The following PATJ variants were observed in gnomAD, a reference collection of about 807,000 sequenced individuals.
PATJ encodes the protein PATJ crumbs cell polarity complex component.
Under a neutral mutation model 224.9 loss-of-function variants are expected in PATJ, and 190 were observed. That is an observed-to-expected ratio of 0.84 (90% CI 0.75 to 0.95). PATJ has a LOEUF of 0.95. PATJ is among the 40% of genes least tolerant of loss of function. The pLI, the probability that PATJ is intolerant of heterozygous loss-of-function variation, is 0.00. For missense variants in PATJ, 2,121 were observed against 2,270.3 expected (o/e 0.93, Z 1.34); for synonymous variants, 769 against 820.3 (o/e 0.94, Z 1.07).
At chr1:62,020,597 A>C (rs1391489530) in intron 29 of PATJ, among the ~76,000 whole-genome samples, 4 of 152,204 alleles carry the variant, frequency 2.6e-5, no homozygotes, top group African/African-American at 9.6e-5. Context: ...CAGTCTGATT[A>C]TTTCAGTTTT....
Position 61,769,266 on chromosome 1 carries a change from T to A in PATJ, c.385-17T>A, listed in dbSNP as rs765262186. 1 of 1,593,394 alleles carries A rather than the reference T, an allele frequency of 6.3e-7. No individual in the cohort carries two copies. The highest frequency in any genetic ancestry group is 8.5e-7 in the Non-Finnish European group (1 of 1,172,984). ...AATGTACACCATTGACTTTTTTTTT[T>A]AACGCTCCTTCATTAGGGCCGGCAA... is the stretch of plus-strand genomic sequence containing the variant. On this transcript the variant is annotated splice_polypyrimidine_tract_variant and intron_variant, in intron 4 of 43. Coordinates refer to ENST00000642238, the MANE Select transcript of PATJ (RefSeq NM_001350145.3).
intron 33 of PATJ, among the ~76,000 whole-genome samples, chr1:62,088,016 T>G (rs935042163): frequency 6.6e-4 from 74 of 112,596 alleles, no homozygotes; most frequent in African/African-American, 1.9e-3. Context: ...CTCAGCCTCC[T>G]GAGTAGCTGG....
At chr1:62,122,384 A>C (rs1029743272) in intron 38 of PATJ, among the ~76,000 whole-genome samples, 2 of 149,884 alleles carry the variant, frequency 1.3e-5, no homozygotes, top group African/African-American at 2.5e-5. Context: ...AAAAAAAAAA[A>C]ACCACACACA....
In PATJ at chr1:61,818,509, A is replaced by T. The variant is rs548405536; in HGVS notation, c.1684-4436A>T. On this transcript the variant is annotated intron_variant, in intron 14 of 43. Transcript: ENST00000642238. Reference sequence around the variant, plus strand: ...CTTGATTTGTTTAGTTGCTAAATGCAGCTGGGACAGGTAATTAAACAGTCC... The same window carrying T: ...CTTGATTTGTTTAGTTGCTAAATGCTGCTGGGACAGGTAATTAAACAGTCC... Among the ~76,000 whole-genome samples, 5 of 152,368 alleles carry T rather than the reference A, an allele frequency of 3.3e-5. No individual in the cohort carries two copies. The East Asian group carries it at 9.6e-4, about 29-fold the overall frequency.
At chr1:62,038,883 G>T in intron 30 of PATJ, 1 of 827,736 alleles carries the variant, frequency 1.2e-6, no homozygotes, top group African/African-American at 1.7e-5. Flanking sequence ...ATACAATGAA[G>T]AATCCCTCCA....
chr1:61,963,513 T>C (rs1476812208), intron 27 of PATJ, among the ~76,000 whole-genome samples: 1 of 151,874 alleles, frequency 6.6e-6, no homozygotes, highest in Non-Finnish European at 1.5e-5. Context: ...GGAGAATCAC[T>C]AGAACCCAGG....
At chr1:62,071,042 G>A (rs563807812) in intron 31 of PATJ, among the ~76,000 whole-genome samples, 1 of 152,226 alleles carries the variant, frequency 6.6e-6, no homozygotes, top group East Asian at 1.9e-4. Flanking sequence ...AAAGAGACCC[G>A]AGGCAGGGGA....
intron 25 of PATJ, among the ~76,000 whole-genome samples, chr1:61,912,711 TAGAGAGGAGGGGAGGGGAGGGAAGGC>T (rs1672866128): frequency 2.2e-5 from 1 of 46,172 alleles, no homozygotes; most frequent in Non-Finnish European, 4.0e-5. Context: ...GAGGGGAAGG[TAGAGAGGAGGGGAGGGGAGGGAAGGC>T]AGCGTAAACA....
At chr1:61,906,939 A>G (rs1267042096) in intron 24 of PATJ, among the ~76,000 whole-genome samples, 1 of 152,130 alleles carries the variant, frequency 6.6e-6, no homozygotes, top group East Asian at 1.9e-4. Flanking sequence ...GTAGTTCCCA[A>G]AATCCCCATA....
rs1558236112 is a variant in PATJ at position 62,148,343 on chromosome 1, C to T, written c.5331C>T (p.Gly1777=). The part of the protein sequence containing the change: ...IAAQLENMST[G]YHLGSPTAEH... ...CTCAGCTTGAAAACATGTCTACAGG[C>T]TACCACCTTGGTTCGCCCACTGCTG... Residue 1777 remains glycine, a synonymous_variant, in exon 42 of 44, where the codon GGC becomes GGT. Coordinates refer to ENST00000642238, the MANE Select transcript of PATJ (RefSeq NM_001350145.3). The T allele has an allele frequency of 2.5e-6, 4 of 1,613,938 alleles. No individual in the cohort carries two copies. The East Asian group carries it at 8.9e-5, about 36-fold the overall frequency.
chr1:61,995,100 T>A (rs184967476), intron 28 of PATJ, among the ~76,000 whole-genome samples: 21 of 152,310 alleles, frequency 1.4e-4, no homozygotes, highest in Non-Finnish European at 2.8e-4. Context: ...AAAGCCAGTG[T>A]TATAATAGCT....
At position 62,128,855 on chromosome 1, in the gene PATJ, T is replaced by C; in HGVS notation, c.5181T>C (p.Ile1727=). 1 of 1,611,026 alleles carries C rather than the reference T, an allele frequency of 6.2e-7. No homozygotes were observed. The highest frequency in any genetic ancestry group is 8.5e-7 in the Non-Finnish European group (1 of 1,177,246). ...TGTACTTCCAGGTTGGAGATCGGAT[T>C]GTCAGCATTAACGGGCAACCTTTGG... The part of the protein sequence containing the change: ...RTQKLKVGDR[I]VSINGQPLDG... The change falls in exon 41 of 44, where the codon ATT becomes ATC. Residue 1727 remains isoleucine, a synonymous_variant. Transcript: ENST00000642238.
At chr1:61,841,445 G>GTAT (rs1398258815) in intron 17 of PATJ, among the ~76,000 whole-genome samples, 2 of 151,984 alleles carry the variant, frequency 1.3e-5, no homozygotes, top group African/African-American at 4.8e-5. Context: ...TATATAGAGT[G>GTAT]GTAACACTAT....
intron 1 of PATJ, among the ~76,000 whole-genome samples, chr1:61,762,657 G>A (rs946497464): frequency 1.3e-5 from 2 of 152,082 alleles, no homozygotes; most frequent in African/African-American, 4.8e-5. Flanking sequence ...TCACAGCCTC[G>A]TTGAAACTTA....
Position 62,153,927 on chromosome 1 carries a change from G to A in PATJ, c.5502+446G>A, listed in dbSNP as rs1398705089. 3.3e-5 allele frequency among the ~76,000 whole-genome samples: 5 copies of A among 152,164 alleles called. No homozygotes were observed. In the East Asian group the frequency reaches 9.6e-4, roughly 29 times the overall value. On this transcript the variant is annotated intron_variant, in intron 43 of 43. Transcript: ENST00000642238. Reference sequence around the variant, plus strand: ...ATTCTTTATTTTATTTTTTGAGAGGGAGTTTCGCTCTTGTCGCCCAGGCTG... The same window carrying A: ...ATTCTTTATTTTATTTTTTGAGAGGAAGTTTCGCTCTTGTCGCCCAGGCTG...
At chr1:62,107,606 T>G (rs1048142831) in intron 33 of PATJ, among the ~76,000 whole-genome samples, 1 of 152,118 alleles carries the variant, frequency 6.6e-6, no homozygotes, top group African/African-American at 2.4e-5. Flanking sequence ...CCTTGGAAAC[T>G]ATGAGTGGTG....
chr1:61,969,460 AT>A (rs1682632709), intron 27 of PATJ, among the ~76,000 whole-genome samples: 1 of 151,776 alleles, frequency 6.6e-6, no homozygotes, highest in Admixed American at 6.6e-5. Flanking sequence ...TTTGATTTGC[AT>A]TTTTCTCGTT....
chr1:61,944,273 T>G (rs1678314989), intron 27 of PATJ, among the ~76,000 whole-genome samples: 1 of 151,946 alleles, frequency 6.6e-6, no homozygotes, highest in African/African-American at 2.4e-5. Flanking sequence ...ATAACAAACT[T>G]CTCCGAGCTA....
At chr1:61,791,210 T>C in intron 8 of PATJ, 138 bp from the exon 9 acceptor site, 1 of 511,536 alleles carries the variant, frequency 2.0e-6, no homozygotes, top group Non-Finnish European at 3.5e-6. Flanking sequence ...GCACCAGGAA[T>C]TGAAGGTCAT....
Sources: allele counts gnomAD v4.1 joint callset (sites outside exome capture counted in the v4.1 genomes callset), GRCh38; gene constraint gnomAD v4.1.1; transcripts MANE v1.5; gene names NCBI Gene and HGNC (gene_info 2026-07-23, HGNC 2026-07-21).